PSAPL1: variants seen among roughly 807,000 people sequenced by gnomAD.
PSAPL1 encodes prosaposin like 1.
For synonymous variants in PSAPL1, 351 were observed against 291.6 expected, an observed-to-expected ratio of 1.20 and a Z score of -2.08; for missense variants, 814 against 688.8, an observed-to-expected ratio of 1.18 and a Z score of -2.03.
At position 7,433,277 on chromosome 4, in the gene PSAPL1, G is replaced by A; in HGVS notation, c.*37C>T. 2 of 1,350,998 alleles carry A rather than the reference G, an allele frequency of 1.5e-6. No individual in the cohort carries two copies. The highest frequency in any genetic ancestry group is 9.5e-7 in the Non-Finnish European group (1 of 1,050,322). The allele number at this position is 1,350,998 out of a possible 1,614,324, so 83.7% of individuals were successfully genotyped here. ...GATGGGGAAAGCACCCACCTCATGGGCCTCGCTAGCAGGCTCTGGGTCTCT... is the reference window on the plus strand; with the variant it reads ...GATGGGGAAAGCACCCACCTCATGGACCTCGCTAGCAGGCTCTGGGTCTCT... On this transcript the variant is annotated 3_prime_UTR_variant, in exon 1 of 1. Coordinates refer to ENST00000319098, the MANE Select transcript of PSAPL1 (RefSeq NM_001085382.2).
chr4:7,430,375 CAAA>C lies in PSAPL1; in HGVS notation c.*2936_*2938del, dbSNP rs1726752258. The C allele has an allele frequency of 6.6e-6, 1 of 152,098 alleles. No homozygotes were observed. Among genetic ancestry groups the C allele is most frequent in the African/African-American group, 2.4e-5 (1 of 41,410 alleles). 9.4% of individuals were successfully genotyped at this position (152,098 alleles called of 1,614,324 possible). A position where few individuals can be genotyped will look rare whatever the true frequency, so the allele number is the denominator to read the frequency against. Reference sequence around the variant, plus strand: ...AAAGCCCCAAGCCAAAACAAACAAACAAACAAACAAACAAAACAAAAACAACAA... The same window carrying C: ...AAAGCCCCAAGCCAAAACAAACAAACCAAACAAACAAAACAAAAACAACAA... On this transcript the variant is annotated 3_prime_UTR_variant, in exon 1 of 1. Transcript: ENST00000319098.
chr4:7,433,790 G>C lies in PSAPL1; in HGVS notation c.1090C>G (p.Arg364Gly), dbSNP rs772124856. The C allele has an allele frequency of 6.2e-7, 1 of 1,613,430 alleles. No individual in the cohort carries two copies. Among genetic ancestry groups the C allele is most frequent in the Non-Finnish European group, 8.5e-7 (1 of 1,179,786 alleles). Residue 364 changes from arginine (R) to glycine (G), a missense_variant, in exon 1 of 1, where the codon CGT becomes GGT. Coordinates refer to ENST00000319098, the MANE Select transcript of PSAPL1 (RefSeq NM_001085382.2). ...ITPEKVCKFI[R>G]LCGNRRRARA... ...GCCCGCCTCCGGTTGCCACACAGAC[G>C]GATGAACTTGCACACCTTCTCTGGG...
rs1560279267 is a variant in PSAPL1, at chr4:7,432,131, C to CT, written c.*1182_*1183insA. On this transcript the variant is annotated 3_prime_UTR_variant, in exon 1 of 1. Coordinates refer to ENST00000319098, the MANE Select transcript of PSAPL1 (RefSeq NM_001085382.2). ...AGGAGCACTTGAACCCAGATGGAAACCCCCCCCGGAGGCTTTCTGCCAGAG... is the reference window on the plus strand; with the variant it reads ...AGGAGCACTTGAACCCAGATGGAAACTCCCCCCCGGAGGCTTTCTGCCAGAG... 7.3e-6 allele frequency: 1 copy of CT among 136,698 alleles called. No individual in the cohort carries two copies. Among genetic ancestry groups the CT allele is most frequent in the African/African-American group, 3.4e-5 (1 of 29,660 alleles). 8.5% of individuals were successfully genotyped at this position (136,698 alleles called of 1,614,324 possible). A position where few individuals can be genotyped will look rare whatever the true frequency, so the allele number is the denominator to read the frequency against.
Position 7,431,952 on chromosome 4 carries a change from C to G in PSAPL1, c.*1362G>C, listed in dbSNP as rs1272940725. 3 of 152,292 alleles carry G rather than the reference C, an allele frequency of 2.0e-5. No homozygotes were observed. Among genetic ancestry groups the G allele is most frequent in the African/African-American group, 7.2e-5 (3 of 41,446 alleles). The allele number at this position is 152,292 out of a possible 1,614,324, so 9.4% of individuals were successfully genotyped here. ...CCTCAGGTGAAATACCAGCTTCCAC[C>G]CCCGGGACTCATGTGTGCGGCTCCC... On this transcript the variant is annotated 3_prime_UTR_variant, in exon 1 of 1. Coordinates refer to ENST00000319098, the MANE Select transcript of PSAPL1 (RefSeq NM_001085382.2).
In PSAPL1 at chr4:7,434,141, G is replaced by C; in HGVS notation, c.739C>G (p.Leu247Val). ...TCACAGAATCCCCCCTTCCTGCAGAGCTCCTGCGGGGGGAGAAGCCTCAGT... is the reference window on the plus strand; with the variant it reads ...TCACAGAATCCCCCCTTCCTGCAGACCTCCTGCGGGGGGAGAAGCCTCAGT... ...QALRLLPPQE[L>V]CRKGGFCEEL... The change falls in exon 1 of 1, where the codon CTC becomes GTC. Residue 247 changes from leucine (L) to valine (V), a missense_variant. Physicochemically the swap from Leu to Val is conservative, Grantham distance 32. Coordinates refer to ENST00000319098, the MANE Select transcript of PSAPL1 (RefSeq NM_001085382.2). The C allele has an allele frequency of 6.2e-7, 1 of 1,613,778 alleles. No homozygotes were observed. The highest frequency in any genetic ancestry group is 2.2e-5 in the East Asian group (1 of 44,876).
chr4:7,433,716 G>T lies in PSAPL1; in HGVS notation c.1164C>A (p.Asp388Glu), dbSNP rs6843370. 7 of 1,612,824 alleles carry T rather than the reference G, an allele frequency of 4.3e-6. No homozygotes were observed. Among genetic ancestry groups the T allele is most frequent in the Non-Finnish European group, 5.9e-6 (7 of 1,179,612 alleles). ...AYAIVPSPEW[D>E]AENQGSFCNG... ...TGCAGAAGCTGCCCTGGTTCTCCGC[G>T]TCCCACTCTGGGGACGGCACGATGG... Residue 388 changes from aspartate to glutamate, a missense_variant, in exon 1 of 1, where the codon GAC becomes GAA. Physicochemically the swap from Asp to Glu is conservative, Grantham distance 45 (BLOSUM62 2). Coordinates refer to ENST00000319098, the MANE Select transcript of PSAPL1 (RefSeq NM_001085382.2).
Position 7,434,886 on chromosome 4 carries a change from C to G in PSAPL1, c.-7G>C. 6.5e-7 allele frequency: 1 copy of G among 1,544,678 alleles called. No individual in the cohort carries two copies. The highest frequency in any genetic ancestry group is 8.7e-7 in the Non-Finnish European group (1 of 1,145,780). ...GGAGCAGGGCACACAGCATGCTGCC[C>G]AGGGACTCTCTGGCTCCAGAGTACC... On this transcript the variant is annotated 5_prime_UTR_variant, in exon 1 of 1. Coordinates refer to ENST00000319098, the MANE Select transcript of PSAPL1 (RefSeq NM_001085382.2).
rs1726785134 is a variant in PSAPL1, at chr4:7,430,735, C to T, written c.*2579G>A. ...GGATGGGTCTCCCAAACTTCTAGGC[C>T]CAGTAGGGCCAGCTGCTCTTCTCCT... On this transcript the variant is annotated 3_prime_UTR_variant, in exon 1 of 1. Coordinates refer to ENST00000319098, the MANE Select transcript of PSAPL1 (RefSeq NM_001085382.2). 6.6e-6 allele frequency: 1 copy of T among 152,272 alleles called. No homozygotes were observed. Among genetic ancestry groups the T allele is most frequent in the Non-Finnish European group, 1.5e-5 (1 of 68,082 alleles). The allele number at this position is 152,272 out of a possible 1,614,324, so 9.4% of individuals were successfully genotyped here. A position where few individuals can be genotyped will look rare whatever the true frequency, so the allele number is the denominator to read the frequency against.
rs1727186876 is a variant in PSAPL1, at chr4:7,434,860, A to G, written c.20T>C (p.Leu7Pro). 6.3e-7 allele frequency: 1 copy of G among 1,578,264 alleles called. No homozygotes were observed. The highest frequency in any genetic ancestry group is 1.4e-5 in the African/African-American group (1 of 74,068). MLCALL[L>P]LPSLLGATRA... ...GGTGGCCCCCAGGAGGCTGGGCAGG[A>G]GGAGCAGGGCACACAGCATGCTGCC... is the stretch of plus-strand genomic sequence containing the variant. The change falls in exon 1 of 1, where the codon CTC becomes CCC. Residue 7 changes from leucine (L) to proline (P), a missense_variant. By Grantham distance (98) the Leu-to-Pro change is moderately conservative (BLOSUM62 -3). Transcript: ENST00000319098.
chr4:7,432,136 C>CTG lies in PSAPL1; in HGVS notation c.*1177_*1178insCA, dbSNP rs1352882784. The CTG allele has an allele frequency of 3.5e-4, 53 of 152,380 alleles. No individual in the cohort carries two copies. Among genetic ancestry groups the CTG allele is most frequent in the African/African-American group, 1.3e-3 (52 of 41,530 alleles). 9.4% of individuals were successfully genotyped at this position (152,380 alleles called of 1,614,324 possible). On this transcript the variant is annotated 3_prime_UTR_variant, in exon 1 of 1. Coordinates refer to ENST00000319098, the MANE Select transcript of PSAPL1 (RefSeq NM_001085382.2). ...CACTTGAACCCAGATGGAAACCCCC[C>CTG]CCGGAGGCTTTCTGCCAGAGGGGGC...
At position 7,434,632 on chromosome 4, in the gene PSAPL1, G is replaced by A. The variant is rs371034367; in HGVS notation, c.248C>T (p.Thr83Met). 34 of 1,613,334 alleles carry A rather than the reference G, an allele frequency of 2.1e-5. No homozygotes were observed. The African/African-American group carries it at 2.7e-4, about 13-fold the overall frequency. The stretch of plus-strand genomic sequence containing the variant: ...CACCAAAGCCAGGATGTCAGACTCC[G>A]TGGCGTCAGGGTTCAGCCCATTGCC... ...AAGNGLNPDA[T>M]ESDILALVMK... is the part of the protein sequence containing the mutation. The change falls in exon 1 of 1, where the codon ACG becomes ATG. Residue 83 changes from threonine to methionine, a missense_variant. Thr to Met is a moderately conservative substitution (Grantham distance 81). Coordinates refer to ENST00000319098, the MANE Select transcript of PSAPL1 (RefSeq NM_001085382.2).
In PSAPL1 at chr4:7,434,837, T is replaced by G. The variant is rs1344383435; in HGVS notation, c.43A>C (p.Thr15Pro). ...GGGCCTGAGGTGGGGCTGGCCCTGGTGGCCCCCAGGAGGCTGGGCAGGAGG... is the reference window on the plus strand; with the variant it reads ...GGGCCTGAGGTGGGGCTGGCCCTGGGGGCCCCCAGGAGGCTGGGCAGGAGG... ...LLLLPSLLGA[T>P]RASPTSGPQE... Residue 15 changes from threonine (T) to proline (P), a missense_variant, in exon 1 of 1, where the codon ACC (threonine) becomes CCC (proline). Thr to Pro is a conservative substitution (Grantham distance 38). Coordinates refer to ENST00000319098, the MANE Select transcript of PSAPL1 (RefSeq NM_001085382.2). 1 of 1,593,346 alleles carries G rather than the reference T, an allele frequency of 6.3e-7. No homozygotes were observed. Among genetic ancestry groups the G allele is most frequent in the Non-Finnish European group, 8.5e-7 (1 of 1,170,626 alleles).
Position 7,434,469 on chromosome 4 carries a change from G to A in PSAPL1, c.411C>T (p.Leu137=), listed in dbSNP as rs570122751. 2.5e-6 allele frequency: 4 copies of A among 1,611,438 alleles called. No individual in the cohort carries two copies. The highest frequency in any genetic ancestry group is 2.7e-5 in the African/African-American group (2 of 75,050). ...GCCTCTGCAGCGGCTCACAGAGGCTGAGCGCTGTGCACACCTGTGCCGGGG... is the reference window on the plus strand; with the variant it reads ...GCCTCTGCAGCGGCTCACAGAGGCTAAGCGCTGTGCACACCTGTGCCGGGG... ...DSAPAQVCTA[L]SLCEPLQRHL... Residue 137 remains leucine (L), a synonymous_variant, in exon 1 of 1, where the codon CTC becomes CTT. Transcript: ENST00000319098.
rs1726749017 is a variant in PSAPL1 at position 7,430,342 on chromosome 4, T to C, written c.*2972A>G. 6.7e-6 allele frequency: 1 copy of C among 149,982 alleles called. No individual in the cohort carries two copies. Among genetic ancestry groups the C allele is most frequent in the African/African-American group, 2.4e-5 (1 of 40,840 alleles). The allele number at this position is 149,982 out of a possible 1,614,324, so 9.3% of individuals were successfully genotyped here. A position where few individuals can be genotyped will look rare whatever the true frequency, so the allele number is the denominator to read the frequency against. On this transcript the variant is annotated 3_prime_UTR_variant, in exon 1 of 1. Coordinates refer to ENST00000319098, the MANE Select transcript of PSAPL1 (RefSeq NM_001085382.2). ...TTTGAAGTTTCTAACAACACATCAC[T>C]TCTAAGAAAAGCCCCAAGCCAAAAC...
Position 7,434,044 on chromosome 4 carries a change from A to C in PSAPL1, c.836T>G (p.Leu279Trp). The change falls in exon 1 of 1, where the codon TTG becomes TGG. Residue 279 changes from leucine (L) to tryptophan (W), a missense_variant. Leu to Trp is a moderately conservative substitution (Grantham distance 61). Transcript: ENST00000319098. ...MDGVPSLELG[L>W]PRKQSEMQMK... ...CTGCATCTCGCTCTGTTTCCTTGGC[A>C]ACCCCAGCTCCAGGGAGGGGACCCC... is the stretch of plus-strand genomic sequence containing the variant. 6.2e-7 allele frequency: 1 copy of C among 1,611,370 alleles called. No individual in the cohort carries two copies. The highest frequency in any genetic ancestry group is 8.5e-7 in the Non-Finnish European group (1 of 1,177,952).
chr4:7,434,380 G>T lies in PSAPL1; in HGVS notation c.500C>A (p.Ala167Asp), dbSNP rs748149717. ...GGGGTGGAAGGTAAGGGGCCCATTG[G>T]CCATGAACGGAGCCACAGCCTCAAA... ...DTFEAVAPFM[A>D]NGPLTFHPRQ... Residue 167 changes from alanine (A) to aspartate (D), a missense_variant, in exon 1 of 1, where the codon GCC becomes GAC. Physicochemically the swap from Ala to Asp is moderately radical, Grantham distance 126. Coordinates refer to ENST00000319098, the MANE Select transcript of PSAPL1 (RefSeq NM_001085382.2). 1.1e-5 allele frequency: 18 copies of T among 1,607,280 alleles called. No homozygotes were observed. Among genetic ancestry groups the T allele is most frequent in the Non-Finnish European group, 1.5e-5 (18 of 1,177,492 alleles).
Position 7,433,471 on chromosome 4 carries a change from T to C in PSAPL1, c.1409A>G (p.His470Arg). ...GCCCAGCAGTGGGGTCCTGGGGCCGTGGCAGGCCCCCACCTTCTTGCACAC... is the reference window on the plus strand; with the variant it reads ...GCCCAGCAGTGGGGTCCTGGGGCCGCGGCAGGCCCCCACCTTCTTGCACAC... ...VAVCKKVGAC[H>R]GPRTPLLGTD... is the part of the protein sequence containing the mutation. The change falls in exon 1 of 1, where the codon CAC (histidine) becomes CGC (arginine). Residue 470 changes from histidine (H) to arginine (R), a missense_variant. Coordinates refer to ENST00000319098, the MANE Select transcript of PSAPL1 (RefSeq NM_001085382.2). 1 of 1,573,560 alleles carries C rather than the reference T, an allele frequency of 6.4e-7. No homozygotes were observed. The highest frequency in any genetic ancestry group is 1.4e-5 in the African/African-American group (1 of 74,012).
Position 7,434,491 on chromosome 4 carries a change from G to T in PSAPL1, c.389C>A (p.Pro130Gln), listed in dbSNP as rs559219098. The T allele has an allele frequency of 4.3e-6, 7 of 1,611,758 alleles. No homozygotes were observed. The East Asian group carries it at 8.9e-5, about 21-fold the overall frequency. The change falls in exon 1 of 1, where the codon CCG (proline) becomes CAG (glutamine). Residue 130 changes from proline (P) to glutamine (Q), a missense_variant. Physicochemically the swap from Pro to Gln is moderately conservative, Grantham distance 76 (BLOSUM62 -1). Coordinates refer to ENST00000319098, the MANE Select transcript of PSAPL1 (RefSeq NM_001085382.2). ...GCTGAGCGCTGTGCACACCTGTGCC[G>T]GGGCACTGTCCGGGGCCCCACGGAG... The part of the protein sequence containing the change: ...SMLRGAPDSA[P>Q]AQVCTALSLC...
At position 7,434,788 on chromosome 4, in the gene PSAPL1, G is replaced by A. The variant is rs745367921; in HGVS notation, c.92C>T (p.Thr31Met). The A allele has an allele frequency of 5.0e-6, 8 of 1,611,262 alleles. No homozygotes were observed. Among genetic ancestry groups the A allele is most frequent in the Middle Eastern group, 1.6e-4 (1 of 6,084 alleles). ...SGPQECAKGS[T>M]VWCQDLQTAA... ...TGTCTGCAGATCCTGACACCACACC[G>A]TGGAGCCCTTTGCACACTCCTGGGG... Residue 31 changes from threonine (T) to methionine (M), a missense_variant, in exon 1 of 1, where the codon ACG becomes ATG. Thr to Met is a moderately conservative substitution (Grantham distance 81, BLOSUM62 -1). Coordinates refer to ENST00000319098, the MANE Select transcript of PSAPL1 (RefSeq NM_001085382.2).
Sources: gnomAD v4.1 joint callset for allele counts on GRCh38, gnomAD v4.1.1 for gene constraint, MANE v1.5 for transcripts, NCBI Gene and HGNC (gene_info 2026-07-23, HGNC 2026-07-21) for gene names.